Variants in TBCK observed in about 807,000 individuals in gnomAD.
The protein encoded by TBCK is TBC1 domain containing kinase.
Under a neutral mutation model 113.4 loss-of-function variants are expected in TBCK, and 99 were observed. That is an observed-to-expected ratio of 0.87 (90% confidence interval 0.74 to 1.03). The LOEUF (loss-of-function observed/expected upper bound fraction) is 1.03, where lower values mean the gene tolerates loss of function less well. TBCK is among the 50% of genes least tolerant of loss of function. The pLI is 0.00. For missense variants in TBCK, 1,045 were observed against 1,061.3 expected, an observed-to-expected ratio of 0.98 and a Z score of 0.21; for synonymous variants, 369 against 370.8, an observed-to-expected ratio of 1.00 and a Z score of 0.05.
chr4:106,211,232 C>T (rs1355179556), intron 20 of TBCK, among the ~76,000 whole-genome samples: 1 of 151,994 alleles, frequency 6.6e-6, no homozygotes, highest in East Asian at 1.9e-4. Flanking sequence ...AATCTAACAC[C>T]ATTACCAACT....
At chr4:106,174,330 C>T (rs1751380798) in intron 22 of TBCK, among the ~76,000 whole-genome samples, 1 of 152,078 alleles carries the variant, frequency 6.6e-6, no homozygotes, top group African/African-American at 2.4e-5. Context: ...AGGAGGTAAA[C>T]TATTCAAAAA....
At chr4:106,221,116 TC>T (rs902796756) in intron 19 of TBCK, among the ~76,000 whole-genome samples, 1 of 152,110 alleles carries the variant, frequency 6.6e-6, no homozygotes, top group African/African-American at 2.4e-5. Context: ...ATCTAATCCA[TC>T]ATGAAAACAC....
chr4:106,228,165 G>T (rs1758440297), intron 19 of TBCK, among the ~76,000 whole-genome samples: 1 of 151,898 alleles, frequency 6.6e-6, no homozygotes, highest in Non-Finnish European at 1.5e-5. Context: ...ATATAGACAT[G>T]CAATGCATAA....
intron 25 of TBCK, among the ~76,000 whole-genome samples, chr4:106,065,086 T>C (rs1308236772): frequency 6.6e-6 from 1 of 152,020 alleles, no homozygotes; most frequent in Non-Finnish European, 1.5e-5. Flanking sequence ...CTAGGTAACA[T>C]TTGATTAATG....
intron 25 of TBCK, among the ~76,000 whole-genome samples, chr4:106,082,941 T>A (rs1208880643): frequency 1.3e-5 from 2 of 152,222 alleles, no homozygotes; most frequent in Non-Finnish European, 2.9e-5. Flanking sequence ...CTTTTCAAAT[T>A]GAACTGTGCA....
At chr4:106,226,699 G>A (rs1161095802) in intron 19 of TBCK, among the ~76,000 whole-genome samples, 8 of 151,816 alleles carry the variant, frequency 5.3e-5, no homozygotes, top group Non-Finnish European at 1.2e-4. Flanking sequence ...CAGTGTCTTT[G>A]GTCACCATTT....
At chr4:106,134,514 TCTC>T (rs745518566) in intron 23 of TBCK, among the ~76,000 whole-genome samples, 5 of 152,142 alleles carry the variant, frequency 3.3e-5, no homozygotes, top group Non-Finnish European at 5.9e-5. Flanking sequence ...CAACATCCCT[TCTC>T]CTCCTATCCT....
chr4:106,222,162 AATCT>A (rs58877129), intron 19 of TBCK, among the ~76,000 whole-genome samples: 4,098 of 152,136 alleles, frequency 0.027, 182 homozygotes, highest in African/African-American at 0.091. Flanking sequence ...TACAGTATAA[AATCT>A]ATCTAATATA....
chr4:106,052,144 A>G (rs1235095508), intron 25 of TBCK, among the ~76,000 whole-genome samples: 1 of 151,790 alleles, frequency 6.6e-6, no homozygotes, highest in Non-Finnish European at 1.5e-5. Flanking sequence ...ACTGGTTTTC[A>G]TAGTAATAAT....
At chr4:106,148,691 G>T (rs1223148592) in intron 23 of TBCK, among the ~76,000 whole-genome samples, 2 of 152,124 alleles carry the variant, frequency 1.3e-5, no homozygotes, top group African/African-American at 4.8e-5. Context: ...TCCAGACTTG[G>T]TTGTTCCATT....
intron 19 of TBCK, among the ~76,000 whole-genome samples, chr4:106,216,532 G>C (rs889273071): frequency 1.1e-4 from 16 of 151,562 alleles, no homozygotes; most frequent in African/African-American, 3.6e-4. Context: ...TGATAAAGGG[G>C]ATATCACCAC....
rs941917883 is a variant in TBCK, at chr4:106,171,194, C to T, written c.2136G>A (p.Gln712=). The part of the protein sequence containing the change: ...CWTPKSATYR[Q]HAQPPKPSSD... ...AAGATGGCTTTGGAGGTTGAGCATG[C>T]TGTCTGTAAGTAGCACTTTTAGGAG... is the stretch of plus-strand genomic sequence containing the variant. The change falls in exon 23 of 26, where the codon CAG becomes CAA. Residue 712 remains glutamine, a synonymous_variant. Transcript: ENST00000394708. 5 of 1,612,634 alleles carry T rather than the reference C, an allele frequency of 3.1e-6. No individual in the cohort carries two copies. The highest frequency in any genetic ancestry group is 3.4e-6 in the Non-Finnish European group (4 of 1,179,278).
At chr4:106,297,685 TCTGG>T (rs571332212) in intron 2 of TBCK, 3 of 152,260 alleles carry the variant, frequency 2.0e-5, no homozygotes, top group Non-Finnish European at 4.4e-5. Context: ...TGATCTTCCT[TCTGG>T]CCTCCTGCCT....
Position 106,266,084 on chromosome 4 carries a change from T to A in TBCK, c.267-3872A>T, listed in dbSNP as rs181707948. On this transcript the variant is annotated intron_variant, in intron 3 of 25. Transcript: ENST00000394708. ...AAACATCTTCAAAAAATAAACTAACTGTATAAATGGCAATATTCCAAACTT... is the reference window on the plus strand; with the variant it reads ...AAACATCTTCAAAAAATAAACTAACAGTATAAATGGCAATATTCCAAACTT... Among the ~76,000 whole-genome samples, 247 of 151,878 alleles carry A rather than the reference T, an allele frequency of 1.6e-3. 1 individual carries two copies. The highest frequency in any genetic ancestry group is 5.8e-3 in the African/African-American group (240 of 41,504).
At chr4:106,208,855 G>A (rs1435694371) in intron 20 of TBCK, among the ~76,000 whole-genome samples, 1 of 152,182 alleles carries the variant, frequency 6.6e-6, no homozygotes, top group African/African-American at 2.4e-5. Context: ...GGGCTTTGGG[G>A]TCACATGCCC....
chr4:106,255,932 T>G (rs759678238), intron 5 of TBCK, among the ~76,000 whole-genome samples: 3 of 152,128 alleles, frequency 2.0e-5, no homozygotes, highest in African/African-American at 7.2e-5. Flanking sequence ...AACACTCAGC[T>G]GAGAGGAGAC....
intron 19 of TBCK, among the ~76,000 whole-genome samples, chr4:106,225,673 G>A (rs1758162305): frequency 1.3e-5 from 2 of 152,042 alleles, no homozygotes; most frequent in Admixed American, 1.3e-4. Flanking sequence ...TGGCCAGGCT[G>A]GTCTCGAACT....
chr4:106,131,600 C>A (rs538653111), intron 23 of TBCK, among the ~76,000 whole-genome samples: 4 of 152,184 alleles, frequency 2.6e-5, no homozygotes, highest in Admixed American at 2.6e-4. Context: ...GCAACAAAAG[C>A]AAAACTCCAT....
intron 23 of TBCK, among the ~76,000 whole-genome samples, chr4:106,154,761 A>G (rs986269117): frequency 3.9e-5 from 6 of 152,182 alleles, no homozygotes; most frequent in Non-Finnish European, 7.3e-5. Context: ...CTGTGAGTCA[A>G]TTAAATTTCT....
Sources: gnomAD v4.1 joint callset for allele counts (sites outside exome capture counted in the v4.1 genomes callset) on GRCh38, gnomAD v4.1.1 for gene constraint, MANE v1.5 for transcripts, NCBI Gene and HGNC (gene_info 2026-07-23, HGNC 2026-07-21) for gene names.